TM9SF3: variants seen among roughly 807,000 people sequenced by gnomAD.
The protein encoded by TM9SF3 is SM-11044-binding protein.
Under a neutral mutation model 78.6 loss-of-function variants are expected in TM9SF3, and 14 were observed. The ratio of observed to expected loss-of-function variants is 0.18; its 90% CI spans 0.12 to 0.28. The LOEUF is 0.28. Among genes scored for constraint, TM9SF3 ranks in the 10% least tolerant of loss-of-function variants. The probability of loss-of-function intolerance (pLI) is 1.00; values close to 1 mark genes in which losing one functional copy is unlikely to be tolerated. For missense variants in TM9SF3, 496 were observed against 721.9 expected (o/e 0.69, Z 3.59); for synonymous variants, 231 against 241.7 (o/e 0.96, Z 0.41).
chr10:96,544,641 C>A (rs1260936664), intron 8 of TM9SF3, among the ~76,000 whole-genome samples: 1 of 152,154 alleles, frequency 6.6e-6, no homozygotes, highest in African/African-American at 2.4e-5. Context: ...GGTGCCCTTA[C>A]CCCTGCTTCA....
chr10:96,551,261 C>T lies in TM9SF3; in HGVS notation c.943G>A (p.Glu315Lys). ...GGCACTTACTCAGTATATAAATCTT[C>T]TATCATTGCAACAATAATAACGATG... ...SLIVIIVAMI[E>K]DLYTERGSML... The change falls in exon 7 of 15, where the codon GAA becomes AAA. Residue 315 changes from glutamate to lysine, a missense_variant. By Grantham distance (56) the Glu-to-Lys change is moderately conservative. Around this residue, in one of 4 missense-constraint regions of TM9SF3, gnomAD observed 280 missense variants for 422.6 expected, o/e 0.66. Coordinates refer to ENST00000371142, the MANE Select transcript of TM9SF3 (RefSeq NM_020123.4). The T allele has an allele frequency of 6.2e-7, 1 of 1,611,168 alleles. No homozygotes were observed. The highest frequency in any genetic ancestry group is 1.1e-5 in the South Asian group (1 of 90,948).
At position 96,586,871 on chromosome 10, in the gene TM9SF3, ACTCCTCCTCCCGCCGCCGC is replaced by A. The variant is rs1293852529; in HGVS notation, c.-55_-37del. ...CCTCCGGCCCGGAGCCGGCTCACCG[ACTCCTCCTCCCGCCGCCGC>A]CTCCTCCGCCGCCGCCGCCTCCGCC... On this transcript the variant is annotated 5_prime_UTR_variant, in exon 1 of 15. An upstream open reading frame in the 5' UTR loses its in-frame stop. Transcript: ENST00000371142. 1 of 1,178,660 alleles carries A rather than the reference ACTCCTCCTCCCGCCGCCGC, an allele frequency of 8.5e-7. No individual in the cohort carries two copies. The highest frequency in any genetic ancestry group is 1.0e-6 in the Non-Finnish European group (1 of 958,234). 73.0% of individuals were successfully genotyped at this position (1,178,660 alleles called of 1,614,324 possible). A position where few individuals can be genotyped will look rare whatever the true frequency, so the allele number is the denominator to read the frequency against.
At chr10:96,552,179 C>T (rs947970582) in intron 6 of TM9SF3, among the ~76,000 whole-genome samples, 3 of 152,190 alleles carry the variant, frequency 2.0e-5, no homozygotes, top group Non-Finnish European at 2.9e-5. Context: ...AAGCCAGGCA[C>T]GGTGGCTCAC....
intron 9 of TM9SF3, among the ~76,000 whole-genome samples, chr10:96,536,489 G>GA (rs1847962126): frequency 6.6e-6 from 1 of 152,078 alleles, no homozygotes. Flanking sequence ...TAAGAATAAA[G>GA]TAACCCTAGC....
chr10:96,527,641 A>G (rs932069996), intron 12 of TM9SF3, 145 bp from the exon 13 acceptor site: 1 of 621,940 alleles, frequency 1.6e-6, no homozygotes, highest in Non-Finnish European at 2.7e-6. Context: ...ATGGTATTCA[A>G]ATTTATCAAC....
rs1407285185 is a variant in TM9SF3, at chr10:96,521,527, T to G, written c.*736A>C. ...TCCATTTAACACTTTGCTTTCTAACTGTACAGTAAATTGCATTGTAGAGAG... is the reference window on the plus strand; with the variant it reads ...TCCATTTAACACTTTGCTTTCTAACGGTACAGTAAATTGCATTGTAGAGAG... On this transcript the variant is annotated 3_prime_UTR_variant, in exon 15 of 15. Transcript: ENST00000371142. 6.6e-6 allele frequency: 1 copy of G among 152,370 alleles called. No homozygotes were observed. Among genetic ancestry groups the G allele is most frequent in the East Asian group, 1.9e-4 (1 of 5,192 alleles). The allele number at this position is 152,370 out of a possible 1,614,324, so 9.4% of individuals were successfully genotyped here. A position where few individuals can be genotyped will look rare whatever the true frequency, so the allele number is the denominator to read the frequency against.
intron 2 of TM9SF3, chr10:96,576,209 T>C (rs1220215801): frequency 6.6e-6 from 1 of 152,236 alleles, no homozygotes; most frequent in African/African-American, 2.4e-5. Context: ...CACATGTGTC[T>C]AATCAATAGG....
intron 9 of TM9SF3, among the ~76,000 whole-genome samples, chr10:96,534,385 G>C (rs1354181272): frequency 6.6e-6 from 1 of 152,116 alleles, no homozygotes; most frequent in Non-Finnish European, 1.5e-5. Context: ...TAAAATACGT[G>C]AAATGTGAAA....
At chr10:96,565,687 CA>C (rs1321510336) in intron 2 of TM9SF3, among the ~76,000 whole-genome samples, 2 of 151,750 alleles carry the variant, frequency 1.3e-5, no homozygotes, top group Non-Finnish European at 2.9e-5. Context: ...TTATACAAAG[CA>C]AATTATACAA....
Position 96,552,918 on chromosome 10 carries a change from GT to G in TM9SF3, c.792+9del. 1 of 1,519,292 alleles carries G rather than the reference GT, an allele frequency of 6.6e-7. No homozygotes were observed. 94.1% of individuals were successfully genotyped at this position (1,519,292 alleles called of 1,614,324 possible). Reference sequence around the variant, plus strand: ...ATGTTTCTACAAATATAATGTAAATGTTTACTCACCATATCATCCATTTCTT... The same window carrying G: ...ATGTTTCTACAAATATAATGTAAATGTTACTCACCATATCATCCATTTCTT... On this transcript the variant is annotated intron_variant, in intron 6 of 14. Coordinates refer to ENST00000371142, the MANE Select transcript of TM9SF3 (RefSeq NM_020123.4).
intron 2 of TM9SF3, among the ~76,000 whole-genome samples, chr10:96,567,079 A>G (rs1190770413): frequency 8.7e-5 from 11 of 126,714 alleles, no homozygotes; most frequent in Non-Finnish European, 1.6e-4. Flanking sequence ...TTATCTGTAT[A>G]AAGCCTTTTT....
intron 1 of TM9SF3, among the ~76,000 whole-genome samples, chr10:96,577,240 T>A (rs1403207083): frequency 3.5e-5 from 5 of 143,664 alleles, no homozygotes; most frequent in East Asian, 2.0e-4. Context: ...GTTAATCAAT[T>A]AAAAAAAAAA....
intron 1 of TM9SF3, among the ~76,000 whole-genome samples, chr10:96,582,098 A>G (rs1487392318): frequency 6.6e-6 from 1 of 152,104 alleles, no homozygotes; most frequent in African/African-American, 2.4e-5. Flanking sequence ...GCTTGCGTAT[A>G]TAACAGACCA....
rs990700138 is a variant in TM9SF3 at position 96,521,583 on chromosome 10, T to C, written c.*680A>G. On this transcript the variant is annotated 3_prime_UTR_variant, in exon 15 of 15. Coordinates refer to ENST00000371142, the MANE Select transcript of TM9SF3 (RefSeq NM_020123.4). ...TTCTGTCTTCAAACTGTATCTTCTT[T>C]GGATGGAATTAAGATGTAACTGTAT... 4.6e-5 allele frequency: 7 copies of C among 152,378 alleles called. No homozygotes were observed. The highest frequency in any genetic ancestry group is 1.7e-4 in the African/African-American group (7 of 41,410). 9.4% of individuals were successfully genotyped at this position (152,378 alleles called of 1,614,324 possible).
intron 9 of TM9SF3, 132 bp from the exon 10 acceptor site, chr10:96,533,322 G>T: frequency 8.9e-7 from 1 of 1,126,054 alleles, no homozygotes; most frequent in Non-Finnish European, 1.2e-6. Flanking sequence ...CTAAAATTGT[G>T]CAAGAAGTAC....
intron 5 of TM9SF3, among the ~76,000 whole-genome samples, chr10:96,554,486 T>C (rs1028807956): frequency 6.6e-6 from 1 of 152,114 alleles, no homozygotes; most frequent in Admixed American, 6.6e-5. Flanking sequence ...ATCTGACCTT[T>C]CCTGACACTA....
At chr10:96,584,078 C>G (rs1329880555) in intron 1 of TM9SF3, among the ~76,000 whole-genome samples, 1 of 152,018 alleles carries the variant, frequency 6.6e-6, no homozygotes, top group African/African-American at 2.4e-5. Context: ...GTGCATAGCC[C>G]ATTTTACTAC....
At chr10:96,579,986 C>T (rs1308669506) in intron 1 of TM9SF3, among the ~76,000 whole-genome samples, 1 of 152,178 alleles carries the variant, frequency 6.6e-6, no homozygotes. Context: ...CCCCTGAGCT[C>T]CACAGTCTGT....
intron 5 of TM9SF3, among the ~76,000 whole-genome samples, chr10:96,555,373 T>C (rs536083865): frequency 6.6e-6 from 1 of 152,358 alleles, no homozygotes; most frequent in African/African-American, 2.4e-5. Context: ...TAGCAAATTC[T>C]ACCCAGTCTT....
Sources: allele counts gnomAD v4.1 joint callset (sites outside exome capture counted in the v4.1 genomes callset), GRCh38; gene constraint gnomAD v4.1.1; regional missense constraint gnomAD v4.1.1; transcripts MANE v1.5; gene names NCBI Gene and HGNC (gene_info 2026-07-23, HGNC 2026-07-21).